The following KLF12 variants were observed in gnomAD, a reference collection of about 807,000 sequenced individuals.
The protein encoded by KLF12 is Krueppel-like factor 12.
Under a neutral mutation model 37.8 loss-of-function variants are expected in KLF12, and 9 were observed. The ratio of observed to expected loss-of-function variants is 0.24; its 90% confidence interval spans 0.14 to 0.42. The LOEUF (loss-of-function observed/expected upper bound fraction) is 0.42. KLF12 is among the 10% of genes least tolerant of loss of function. KLF12 has a pLI of 1.00. For missense variants in KLF12, 411 were observed against 516.0 expected, an observed-to-expected ratio of 0.80 and a Z score of 1.97; for synonymous variants, 208 against 202.1, an observed-to-expected ratio of 1.03 and a Z score of -0.25.
chr13:73,807,176 C>G (rs1167732223), intron 5 of KLF12, among the ~76,000 whole-genome samples: 4 of 152,022 alleles, frequency 2.6e-5, no homozygotes, highest in African/African-American at 9.6e-5. Context: ...GGCGTGGTGG[C>G]TTATGCTTGT....
the KLF12 span, among the ~76,000 whole-genome samples, chr13:74,273,609 C>A: frequency 6.6e-6 from 1 of 151,868 alleles, no homozygotes; most frequent in Non-Finnish European, 1.5e-5. Context: ...AGTAAAAATA[C>A]CATAATAAAA....
chr13:74,031,197 C>T (rs1893103085), intron 1 of KLF12, among the ~76,000 whole-genome samples: 1 of 152,050 alleles, frequency 6.6e-6, no homozygotes, highest in African/African-American at 2.4e-5. Context: ...TAATGTCTTC[C>T]TTGACTAAGT....
intron 1 of KLF12, among the ~76,000 whole-genome samples, chr13:74,034,732 T>TA (rs1212165917): frequency 1.3e-5 from 2 of 152,234 alleles, no homozygotes; most frequent in African/African-American, 4.8e-5. Flanking sequence ...TCTGAAATCT[T>TA]AGAGCATTAT....
the KLF12 span, among the ~76,000 whole-genome samples, chr13:74,176,762 T>C: frequency 7.9e-5 from 12 of 152,208 alleles, no homozygotes; most frequent in African/African-American, 2.9e-4. Flanking sequence ...TTCTTATTTA[T>C]ACCGTCAACT....
At chr13:73,927,990 T>C (rs1421571581) in intron 3 of KLF12, among the ~76,000 whole-genome samples, 1 of 152,086 alleles carries the variant, frequency 6.6e-6, no homozygotes, top group Non-Finnish European at 1.5e-5. Flanking sequence ...CTTGAGTAGC[T>C]GAGATTACAG....
chr13:74,017,258 TAAAAAAAAAAA>T (rs56321692), intron 1 of KLF12, among the ~76,000 whole-genome samples: 2,131 of 45,654 alleles, frequency 0.047, 89 homozygotes, highest in African/African-American at 0.17. Flanking sequence ...GCCCTCAACC[TAAAAAAAAAAA>T]AAAAAAAAAA....
the KLF12 span, among the ~76,000 whole-genome samples, chr13:74,216,546 T>C: frequency 1.4e-4 from 21 of 152,168 alleles, no homozygotes; most frequent in Non-Finnish European, 2.8e-4. Flanking sequence ...TAGATAAGGA[T>C]AGTGCTTCTG....
intron 1 of KLF12, among the ~76,000 whole-genome samples, chr13:74,025,620 C>T (rs1336859462): frequency 6.6e-6 from 1 of 151,858 alleles, no homozygotes; most frequent in Non-Finnish European, 1.5e-5. Context: ...AGTTCTGGCA[C>T]TCCACTGCAT....
At chr13:74,018,830 T>C (rs1203732179) in intron 1 of KLF12, among the ~76,000 whole-genome samples, 1 of 152,210 alleles carries the variant, frequency 6.6e-6, no homozygotes, top group Non-Finnish European at 1.5e-5. Context: ...AACATTTCTG[T>C]CTCAATGGCA....
In KLF12 at chr13:73,873,398, GA is replaced by G. The variant is rs564871710; in HGVS notation, c.124-27026del. On this transcript the variant is annotated intron_variant, in intron 3 of 7. Transcript: ENST00000377669. ...ATTTCATCACTAGACTGATTTTAAA[GA>G]GACGGTAATTCTCAAAATCTGGTTC... Among the ~76,000 whole-genome samples, 234 of 152,244 alleles carry G rather than the reference GA, an allele frequency of 1.5e-3. 1 individual carries two copies. The highest frequency in any genetic ancestry group is 2.3e-3 in the South Asian group (11 of 4,818).
At chr13:73,752,027 T>C (rs965476545) in intron 6 of KLF12, among the ~76,000 whole-genome samples, 1 of 152,138 alleles carries the variant, frequency 6.6e-6, no homozygotes, top group Non-Finnish European at 1.5e-5. Flanking sequence ...TGAGACAGAG[T>C]GTCACTCTGT....
intron 7 of KLF12, among the ~76,000 whole-genome samples, chr13:73,711,848 A>G (rs562804932): frequency 6.6e-6 from 1 of 152,206 alleles, no homozygotes; most frequent in Non-Finnish European, 1.5e-5. Flanking sequence ...ATCCAGGCAA[A>G]TTAAATTTAA....
chr13:74,054,040 C>T (rs1873093152), intron 1 of KLF12, among the ~76,000 whole-genome samples: 1 of 152,128 alleles, frequency 6.6e-6, no homozygotes, highest in Non-Finnish European at 1.5e-5. Flanking sequence ...TCTCAAGAAA[C>T]ATTTGCATGT....
chr13:74,017,205 A>G (rs1163234082), intron 1 of KLF12, among the ~76,000 whole-genome samples: 1 of 148,870 alleles, frequency 6.7e-6, no homozygotes, highest in Non-Finnish European at 1.5e-5. Context: ...AGTGAACTAC[A>G]CTTTAGTCAA....
Position 73,944,038 on chromosome 13 carries a change from C to T in KLF12, c.66G>A (p.Met22Ile). The change falls in exon 3 of 8, where the codon ATG becomes ATA. Residue 22 changes from methionine to isoleucine, a missense_variant. Physicochemically the swap from Met to Ile is conservative, Grantham distance 10. Coordinates refer to ENST00000377669, the MANE Select transcript of KLF12 (RefSeq NM_007249.5). ...CTCTGACTGCCGGCATCCCATCAAG[C>T]ATTAACATTCTGTTCTCAAAGGTGT... The T allele has an allele frequency of 6.2e-7, 1 of 1,612,166 alleles. No individual in the cohort carries two copies.
intron 2 of KLF12, among the ~76,000 whole-genome samples, chr13:73,982,431 T>G (rs1420588893): frequency 6.6e-6 from 1 of 152,076 alleles, no homozygotes; most frequent in African/African-American, 2.4e-5. Context: ...CTTCCATTAT[T>G]GAAAGGTAAA....
chr13:73,992,690 C>A (rs1397849221), intron 2 of KLF12, among the ~76,000 whole-genome samples: 1 of 152,158 alleles, frequency 6.6e-6, no homozygotes, highest in Admixed American at 6.5e-5. Context: ...TATTCAAATC[C>A]CTTTTCAACT....
At chr13:74,285,927 C>T in the KLF12 span, among the ~76,000 whole-genome samples, 1 of 152,160 alleles carries the variant, frequency 6.6e-6, no homozygotes, top group Non-Finnish European at 1.5e-5. Context: ...CTGTTTCCAG[C>T]TTCTACTCTC....
At chr13:73,981,569 C>T (rs1159942095) in intron 2 of KLF12, among the ~76,000 whole-genome samples, 1 of 152,036 alleles carries the variant, frequency 6.6e-6, no homozygotes, top group Non-Finnish European at 1.5e-5. Flanking sequence ...GTAAATGATA[C>T]ATAGTTTGAA....
Sources: gnomAD v4.1 joint callset for allele counts (sites outside exome capture counted in the v4.1 genomes callset) on GRCh38, gnomAD v4.1.1 for gene constraint, MANE v1.5 for transcripts, NCBI Gene and HGNC (gene_info 2026-07-23, HGNC 2026-07-21) for gene names.